The following FHDC1 variants were observed in gnomAD, a reference collection of about 807,000 sequenced individuals.
FHDC1 encodes the protein FH2 domain-containing protein 1.
FHDC1 carries 25 observed loss-of-function variants against 52.6 expected under a neutral mutation model. The observed-to-expected ratio is 0.48, with a 90% confidence interval of 0.35 to 0.66. FHDC1 has a LOEUF of 0.66. Among genes scored for constraint, FHDC1 ranks in the 30% least tolerant of loss-of-function variants. The probability of loss-of-function intolerance (pLI) is 0.01; values close to 1 mark genes in which losing one functional copy is unlikely to be tolerated. For missense variants in FHDC1, 1,459 were observed against 1,452.8 expected (o/e 1.00, Z -0.07); for synonymous variants, 616 against 581.5 (o/e 1.06, Z -0.85).
chr4:152,956,649 C>T (rs1268264156), intron 4 of FHDC1, among the ~76,000 whole-genome samples: 4 of 152,190 alleles, frequency 2.6e-5, no homozygotes, highest in Non-Finnish European at 4.4e-5. Context: ...TTAGCTAACC[C>T]GGGAGATGGG....
In FHDC1 at chr4:152,976,597, G is replaced by A. The variant is rs767728482; in HGVS notation, c.3306G>A (p.Ala1102=). 9.9e-6 allele frequency: 16 copies of A among 1,611,934 alleles called. No individual in the cohort carries two copies. The highest frequency in any genetic ancestry group is 4.5e-5 in the East Asian group (2 of 44,832). Residue 1102 remains alanine (A), a synonymous_variant, in exon 12 of 12, where the codon GCG becomes GCA. Coordinates refer to ENST00000511601, the MANE Select transcript of FHDC1 (RefSeq NM_001371116.1). Reference sequence around the variant, plus strand: ...CCCCCAAGAAGCGCCCAGAGTCTGCGGAGGGTCCCAGTGCCAACACGGAGG... The same window carrying A: ...CCCCCAAGAAGCGCCCAGAGTCTGCAGAGGGTCCCAGTGCCAACACGGAGG... ...ARAPKKRPES[A]EGPSANTEAP... is the part of the protein sequence containing the mutation.
chr4:152,955,050 C>G (rs7699567), intron 4 of FHDC1, among the ~76,000 whole-genome samples: 147,015 of 152,220 alleles, frequency 0.97, 71,203 homozygotes, highest in East Asian at 1. Context: ...ATCATCTAAA[C>G]ATGACCTTTG....
At position 152,974,877 on chromosome 4, in the gene FHDC1, C is replaced by T; in HGVS notation, c.1586C>T (p.Pro529Leu). 1 of 1,607,904 alleles carries T rather than the reference C, an allele frequency of 6.2e-7. No homozygotes were observed. Among genetic ancestry groups the T allele is most frequent in the Non-Finnish European group, 8.5e-7 (1 of 1,177,854 alleles). The change falls in exon 12 of 12, where the codon CCC becomes CTC. Residue 529 changes from proline (P) to leucine (L), a missense_variant. Pro to Leu is a moderately conservative substitution (Grantham distance 98). This residue lies in a region of FHDC1 where 939 missense variants were observed against 854.5 expected (regional missense o/e 1.10). Transcript: ENST00000511601. The stretch of plus-strand genomic sequence containing the variant: ...CCCAGGCCCATCAGCCCCTCCAGCC[C>T]CTCCTACCGGCCCCCGAACACCCGC... Reference protein sequence around the residue: ...LHPRPISPSSPSYRPPNTRRS... With the variant: ...LHPRPISPSSLSYRPPNTRRS...
At position 152,975,890 on chromosome 4, in the gene FHDC1, C is replaced by T; in HGVS notation, c.2599C>T (p.Leu867=). ...KDVVAPKRGS[L]KEASPGASKP... ...TGTTGTAGCACCAAAGAGAGGCTCC[C>T]TGAAAGAGGCGTCTCCCGGGGCCTC... The change falls in exon 12 of 12, where the codon CTG becomes TTG. Residue 867 remains leucine, a synonymous_variant. Coordinates refer to ENST00000511601, the MANE Select transcript of FHDC1 (RefSeq NM_001371116.1). 6.6e-7 allele frequency: 1 copy of T among 1,514,172 alleles called. No individual in the cohort carries two copies. 93.8% of individuals were successfully genotyped at this position (1,514,172 alleles called of 1,614,324 possible).
chr4:152,977,880 CTG>C lies in FHDC1; in HGVS notation c.*1161_*1162del, dbSNP rs908842060. 5 of 152,258 alleles carry C rather than the reference CTG, an allele frequency of 3.3e-5. No individual in the cohort carries two copies. The highest frequency in any genetic ancestry group is 1.2e-4 in the African/African-American group (5 of 41,454). 9.4% of individuals were successfully genotyped at this position (152,258 alleles called of 1,614,324 possible). A position where few individuals can be genotyped will look rare whatever the true frequency, so the allele number is the denominator to read the frequency against. ...TAAGCCTTGGGTATCCTGTGATGGG[CTG>C]TGTCTCCCTGAAGATTGTCTGGCTT... On this transcript the variant is annotated 3_prime_UTR_variant, in exon 12 of 12. Coordinates refer to ENST00000511601, the MANE Select transcript of FHDC1 (RefSeq NM_001371116.1).
chr4:152,976,501 G>GTCA lies in FHDC1; in HGVS notation c.3210_3211insTCA (p.Arg1070_Val1071insSer). The GTCA allele has an allele frequency of 6.2e-7, 1 of 1,613,444 alleles. No individual in the cohort carries two copies. Among genetic ancestry groups the GTCA allele is most frequent in the Non-Finnish European group, 8.5e-7 (1 of 1,180,022 alleles). ...GGACAGTGTCGCAGCGGCAGCTGAG[G>GTCA]GTGAAAGGGGACCCCGAGGATGCCG... On this transcript the variant is annotated inframe_insertion, in exon 12 of 12. Coordinates refer to ENST00000511601, the MANE Select transcript of FHDC1 (RefSeq NM_001371116.1).
rs747001513 is a variant in FHDC1, at chr4:152,975,843, A to G, written c.2552A>G (p.Asp851Gly). The change falls in exon 12 of 12, where the codon GAC (aspartate) becomes GGC (glycine). Residue 851 changes from aspartate to glycine, a missense_variant. Transcript: ENST00000511601. ...AGCTGCAAGGGCGGCCTGCCCAGGG[A>G]CAAACCCACCAAAAGGAAAGATGTT... ...EPSCKGGLPRDKPTKRKDVVA... is the reference protein window; with the variant it reads ...EPSCKGGLPRGKPTKRKDVVA... 2.0e-6 allele frequency: 3 copies of G among 1,517,020 alleles called. No individual in the cohort carries two copies. Among genetic ancestry groups the G allele is most frequent in the Non-Finnish European group, 2.6e-6 (3 of 1,134,240 alleles). The allele number at this position is 1,517,020 out of a possible 1,614,324, so 94.0% of individuals were successfully genotyped here.
chr4:152,953,646 A>C, intron 3 of FHDC1, 86 bp downstream of exon 3: 1 of 1,115,208 alleles, frequency 9.0e-7, no homozygotes, highest in South Asian at 1.3e-5. Flanking sequence ...TGGAATTCAA[A>C]TTCCTCACAC....
intron 1 of FHDC1, 130 bp from the exon 2 acceptor site, chr4:152,942,798 T>C: frequency 9.6e-6 from 4 of 418,766 alleles, no homozygotes; most frequent in South Asian, 1.4e-4. Context: ...TAATGCAACT[T>C]GGGATGTGTT....
At chr4:152,925,068 G>A in the FHDC1 span, among the ~76,000 whole-genome samples, 1 of 151,842 alleles carries the variant, frequency 6.6e-6, no homozygotes, top group African/African-American at 2.4e-5. Flanking sequence ...GTATGTTGAC[G>A]ATTCTGGAGC....
chr4:152,932,401 C>CAAAAA (rs58456339), upstream of FHDC1, among the ~76,000 whole-genome samples: 1 of 145,240 alleles, frequency 6.9e-6, no homozygotes, highest in Non-Finnish European at 1.5e-5. Context: ...GACTCTATCT[C>CAAAAA]AAAAAAAAAA....
Position 152,974,891 on chromosome 4 carries a change from C to T in FHDC1, c.1600C>T (p.Pro534Ser), listed in dbSNP as rs1039639634. Residue 534 changes from proline to serine, a missense_variant, in exon 12 of 12, where the codon CCG (proline) becomes TCG (serine). By Grantham distance (74) the Pro-to-Ser change is moderately conservative (BLOSUM62 -1). This residue lies in a region of FHDC1 where 939 missense variants were observed against 854.5 expected (regional missense o/e 1.10). Transcript: ENST00000511601. ...ISPSSPSYRP[P>S]NTRRSRLSLG... The stretch of plus-strand genomic sequence containing the variant: ...CCCCTCCAGCCCCTCCTACCGGCCC[C>T]CGAACACCCGCCGCTCCCGCCTCTC... 2 of 1,607,734 alleles carry T rather than the reference C, an allele frequency of 1.2e-6. No homozygotes were observed. The highest frequency in any genetic ancestry group is 1.3e-5 in the African/African-American group (1 of 74,800).
At chr4:152,942,811 C>G in intron 1 of FHDC1, 117 bp from the exon 2 acceptor site, 4 of 444,780 alleles carry the variant, frequency 9.0e-6, no homozygotes, top group Admixed American at 7.8e-5. Flanking sequence ...GATGTGTTGC[C>G]CCTCATTGAT....
At position 152,975,796 on chromosome 4, in the gene FHDC1, C is replaced by T. The variant is rs140836926; in HGVS notation, c.2505C>T (p.Pro835=). The part of the protein sequence containing the change: ...TSSPPGEAPA[P]VSVDSEPSCK... ...GCCCCCCTGGGGAGGCTCCTGCCCCCGTCTCTGTGGATAGTGAGCCCAGCT... is the reference window on the plus strand; with the variant it reads ...GCCCCCCTGGGGAGGCTCCTGCCCCTGTCTCTGTGGATAGTGAGCCCAGCT... The change falls in exon 12 of 12, where the codon CCC becomes CCT. Residue 835 remains proline (P), a synonymous_variant. Transcript: ENST00000511601. The T allele has an allele frequency of 3.6e-5, 55 of 1,536,892 alleles. No individual in the cohort carries two copies. The South Asian group carries it at 5.4e-4, about 15-fold the overall frequency.
At chr4:152,949,090 GTAATAATAATAATAATAATAA>G (rs368429472) in intron 2 of FHDC1, among the ~76,000 whole-genome samples, 194 of 117,554 alleles carry the variant, frequency 1.7e-3, no homozygotes, top group African/African-American at 4.8e-3. Flanking sequence ...CCTTGTCTCA[GTAATAATAATAATAATAATAA>G]TAATAATAAT....
intron 11 of FHDC1, among the ~76,000 whole-genome samples, chr4:152,973,953 C>A (rs1311286782): frequency 6.6e-6 from 1 of 152,196 alleles, no homozygotes. Context: ...TCTTCCTCTT[C>A]TCTGATTGTG....
In FHDC1 at chr4:152,976,742, T is replaced by C. The variant is rs541583484; in HGVS notation, c.*19T>C. 8.7e-5 allele frequency: 127 copies of C among 1,456,976 alleles called. No individual in the cohort carries two copies. The highest frequency in any genetic ancestry group is 5.7e-4 in the Middle Eastern group (3 of 5,304). 90.3% of individuals were successfully genotyped at this position (1,456,976 alleles called of 1,614,324 possible). A position where few individuals can be genotyped will look rare whatever the true frequency, so the allele number is the denominator to read the frequency against. ...GAAGTGATGGGTGCCTGTCCTCTCC[T>C]GCCTCCTGGGATTCAGACGGTGAAG... On this transcript the variant is annotated 3_prime_UTR_variant, in exon 12 of 12. Coordinates refer to ENST00000511601, the MANE Select transcript of FHDC1 (RefSeq NM_001371116.1).
chr4:152,966,039 C>T (rs1300604616), intron 9 of FHDC1, among the ~76,000 whole-genome samples: 1 of 152,154 alleles, frequency 6.6e-6, no homozygotes, highest in Non-Finnish European at 1.5e-5. Context: ...CTAGATTGTT[C>T]TCTAAAAAGA....
intron 1 of FHDC1, among the ~76,000 whole-genome samples, chr4:152,939,826 A>G (rs943312239): frequency 3.9e-5 from 6 of 152,024 alleles, no homozygotes; most frequent in African/African-American, 4.8e-5. Flanking sequence ...GAGGTTTCCA[A>G]CCTGTAGCTG....
Sources: gnomAD v4.1 joint callset for allele counts (sites outside exome capture counted in the v4.1 genomes callset) on GRCh38, gnomAD v4.1.1 for gene constraint, gnomAD v4.1.1 regional missense constraint, MANE v1.5 for transcripts, NCBI Gene and HGNC (gene_info 2026-07-23, HGNC 2026-07-21) for gene names.